Variants in WWOX observed in about 807,000 individuals in gnomAD.
The protein encoded by WWOX is WW domain-containing oxidoreductase.
Under a neutral mutation model 46.2 loss-of-function variants are expected in WWOX, and 69 were observed. The ratio of observed to expected loss-of-function variants is 1.49; its 90% CI spans 1.23 to 1.82. The LOEUF is 1.82. Ranked by LOEUF, WWOX falls within the 40% of genes most tolerant of loss-of-function variation. WWOX has a pLI of 0.00. For synonymous variants in WWOX, 359 were observed against 202.6 expected (o/e 1.77, Z -6.56); for missense variants, 919 against 542.6 (o/e 1.69, Z -6.89).
chr16:78,680,389 C>T (rs1367201897), intron 8 of WWOX, among the ~76,000 whole-genome samples: 1 of 152,134 alleles, frequency 6.6e-6, no homozygotes, highest in African/African-American at 2.4e-5. Context: ...CAAAAATTAG[C>T]TGGGCATGGT....
chr16:78,416,869 A>G (rs1356973829), intron 6 of WWOX, among the ~76,000 whole-genome samples: 2 of 152,202 alleles, frequency 1.3e-5, no homozygotes, highest in Non-Finnish European at 2.9e-5. Flanking sequence ...TATTTAGTTT[A>G]CAGGGGAGGA....
At chr16:78,643,572 C>T (rs1221029994) in intron 8 of WWOX, among the ~76,000 whole-genome samples, 1 of 152,112 alleles carries the variant, frequency 6.6e-6, no homozygotes, top group Non-Finnish European at 1.5e-5. Flanking sequence ...GCCTTCCAGC[C>T]CCCTGTAGGA....
chr16:78,667,670 CAAAAAAA>C (rs35375082), intron 8 of WWOX, among the ~76,000 whole-genome samples: 26 of 61,312 alleles, frequency 4.2e-4, no homozygotes, highest in African/African-American at 1.4e-3. Flanking sequence ...GACTCCGTCT[CAAAAAAA>C]AAAAAAAAAA....
Position 78,395,894 on chromosome 16 carries a change from A to T in WWOX, c.605+8946A>T, listed in dbSNP as rs946449527. The stretch of plus-strand genomic sequence containing the variant: ...AGATTCCATTTTCTTTGACATGACT[A>T]TGTCTGTTCCTCTTGATTTTAGGCA... On this transcript the variant is annotated intron_variant, in intron 6 of 8. Transcript: ENST00000566780. Among the ~76,000 whole-genome samples, 12 of 152,158 alleles carry T rather than the reference A, an allele frequency of 7.9e-5. No homozygotes were observed. In the East Asian group the frequency reaches 2.1e-3, roughly 27 times the overall value.
At chr16:78,526,710 C>T (rs1387260943) in intron 8 of WWOX, among the ~76,000 whole-genome samples, 3 of 152,166 alleles carry the variant, frequency 2.0e-5, no homozygotes, top group Admixed American at 1.3e-4. Flanking sequence ...CCTTTGCTGA[C>T]CTGTGACCAT....
intron 5 of WWOX, among the ~76,000 whole-genome samples, chr16:78,274,298 C>T (rs899841327): frequency 1.3e-5 from 2 of 152,198 alleles, no homozygotes; most frequent in Non-Finnish European, 2.9e-5. Flanking sequence ...CAAGAATGAT[C>T]ACTGTTCCTT....
At chr16:78,398,226 C>G (rs1304807394) in intron 6 of WWOX, among the ~76,000 whole-genome samples, 3 of 152,190 alleles carry the variant, frequency 2.0e-5, no homozygotes, top group African/African-American at 7.2e-5. Context: ...AATAGCTACA[C>G]TTCCTGCTGT....
chr16:78,623,344 G>C (rs1253184266), intron 8 of WWOX, among the ~76,000 whole-genome samples: 1 of 152,192 alleles, frequency 6.6e-6, no homozygotes, highest in South Asian at 2.1e-4. Flanking sequence ...TTACTCACCA[G>C]GTTTCAGAGG....
At chr16:78,460,162 C>G (rs1049861302) in intron 8 of WWOX, among the ~76,000 whole-genome samples, 1 of 148,738 alleles carries the variant, frequency 6.7e-6, no homozygotes, top group African/African-American at 2.5e-5. Flanking sequence ...GAGTCTCGCT[C>G]TTTTCCCCAG....
intron 5 of WWOX, among the ~76,000 whole-genome samples, chr16:78,181,747 C>G (rs1183397109): frequency 6.6e-6 from 1 of 151,858 alleles, no homozygotes; most frequent in African/African-American, 2.4e-5. Flanking sequence ...ACAGCTTTTT[C>G]TATTGGAAGC....
At chr16:78,279,598 A>G (rs1246963566) in intron 5 of WWOX, among the ~76,000 whole-genome samples, 2 of 152,172 alleles carry the variant, frequency 1.3e-5, no homozygotes, top group African/African-American at 2.4e-5. Context: ...CCCTAAAGAA[A>G]ATGCCTCTGC....
chr16:78,606,014 G>C (rs1455618197), intron 8 of WWOX, among the ~76,000 whole-genome samples: 1 of 152,138 alleles, frequency 6.6e-6, no homozygotes, highest in Non-Finnish European at 1.5e-5. Context: ...AATGCCTATT[G>C]TCAAAATATA....
chr16:78,527,829 G>T (rs1233653174), intron 8 of WWOX, among the ~76,000 whole-genome samples: 1 of 151,554 alleles, frequency 6.6e-6, no homozygotes, highest in Non-Finnish European at 1.5e-5. Context: ...GGGGGGAAAA[G>T]GTGCTACTGG....
intron 8 of WWOX, among the ~76,000 whole-genome samples, chr16:79,142,387 T>A (rs78699852): frequency 7.9e-4 from 120 of 152,324 alleles, no homozygotes; most frequent in African/African-American, 2.6e-3. Context: ...CTCCCATGTT[T>A]AGTGACATCA....
chr16:78,914,479 G>A (rs750952204), intron 8 of WWOX, among the ~76,000 whole-genome samples: 1 of 151,990 alleles, frequency 6.6e-6, no homozygotes, highest in Non-Finnish European at 1.5e-5. Flanking sequence ...TCTTTTTAAT[G>A]CAGAAGATTT....
chr16:78,524,387 CATTTATTTATTTATTTATTTGTTT>C (rs1429521813), intron 8 of WWOX, among the ~76,000 whole-genome samples: 35 of 95,160 alleles, frequency 3.7e-4, no homozygotes, highest in African/African-American at 9.2e-4. Flanking sequence ...CTAGAGATTT[CATTTATTTATTTATTTATTTGTTT>C]ATTTATTTAT....
intron 8 of WWOX, among the ~76,000 whole-genome samples, chr16:79,165,632 T>C (rs2050578863): frequency 6.6e-6 from 1 of 152,184 alleles, no homozygotes; most frequent in Non-Finnish European, 1.5e-5. Context: ...GGACTCATTG[T>C]CCAGAAGATT....
At position 78,333,632 on chromosome 16, in the gene WWOX, T is replaced by C. The variant is rs74029898; in HGVS notation, c.517-53228T>C. Among the ~76,000 whole-genome samples, 916 of 152,292 alleles carry C rather than the reference T, an allele frequency of 6.0e-3. 10 individuals are homozygous for C. The highest frequency in any genetic ancestry group is 0.02 in the African/African-American group (811 of 41,564). On this transcript the variant is annotated intron_variant, in intron 5 of 8. Coordinates refer to ENST00000566780, the MANE Select transcript of WWOX (RefSeq NM_016373.4). ...ATCTTAATTGATGTTAATTGAGATA[T>C]AGGAGTACTTCATTAAGTCTCCAGA...
chr16:78,424,106 T>C (rs1411035409), intron 6 of WWOX, among the ~76,000 whole-genome samples: 3 of 116,906 alleles, frequency 2.6e-5, no homozygotes, highest in Admixed American at 2.3e-4. Context: ...TCTTTTCTTT[T>C]CTTTTTTTTT....
Sources: gnomAD v4.1 joint callset for allele counts (sites outside exome capture counted in the v4.1 genomes callset) on GRCh38, gnomAD v4.1.1 for gene constraint, MANE v1.5 for transcripts, NCBI Gene and HGNC (gene_info 2026-07-23, HGNC 2026-07-21) for gene names.